Variants in PARVG observed in about 807,000 individuals in gnomAD.
PARVG encodes gamma-parvin.
Under a neutral mutation model 44.4 loss-of-function variants are expected in PARVG, and 36 were observed. That is an observed-to-expected ratio of 0.81 (90% CI 0.62 to 1.07). The LOEUF (loss-of-function observed/expected upper bound fraction) is 1.07. Among genes scored for constraint, PARVG ranks in the 50% least tolerant of loss-of-function variants. The pLI, the probability that PARVG is intolerant of heterozygous loss-of-function variation, is 0.00. For synonymous variants in PARVG, 170 were observed against 174.1 expected (o/e 0.98, Z 0.19); for missense variants, 407 against 407.4 (o/e 1.00, Z 0.01).
intron 12 of PARVG, among the ~76,000 whole-genome samples, 197 bp downstream of exon 12, chr22:44,198,919 CATCT>C (rs1464923808): frequency 1.5e-4 from 15 of 98,980 alleles, no homozygotes; most frequent in Non-Finnish European, 2.5e-4. Flanking sequence ...CCCATCCATC[CATCT>C]ACCCATCCAT....
chr22:44,199,879 G>T (rs2054682146), intron 12 of PARVG, among the ~76,000 whole-genome samples: 2 of 152,168 alleles, frequency 1.3e-5, no homozygotes, highest in Admixed American at 1.3e-4. Context: ...TGACCTGGGG[G>T]GATCAGCAGT....
rs750200194 is a variant in PARVG, at chr22:44,183,364, TC to T, written c.39del (p.Lys14ArgfsTer37). On this transcript the variant is annotated frameshift_variant, in exon 3 of 14. Coordinates refer to ENST00000444313, the MANE Select transcript of PARVG (RefSeq NM_022141.7). LOFTEE classifies it high-confidence loss of function. ...GAGTTCTTGTACGACCTGCTGCAGC[TC>T]CCCAAGGGGGTGGAGCCCCCAGCGG... Reference protein sequence around the residue: ...EPEFLYDLLQLPKGVEPPAEE... With the variant: ...EPEFLYDLLQXPKGVEPPAEE... The T allele has an allele frequency of 1.1e-4, 183 of 1,609,808 alleles. No individual in the cohort carries two copies. The highest frequency in any genetic ancestry group is 1.5e-4 in the Non-Finnish European group (174 of 1,178,800).
At position 44,181,023 on chromosome 22, in the gene PARVG, T is replaced by C. The variant is rs1601725677; in HGVS notation, c.-351T>C. ...CTATGCCTTTGCATACGCTGTTTTC[T>C]CCACCTGCCACGTTCTCACCCCTTC... On this transcript the variant is annotated 5_prime_UTR_variant, in exon 1 of 14. Coordinates refer to ENST00000444313, the MANE Select transcript of PARVG (RefSeq NM_022141.7). 1.0e-6 allele frequency: 1 copy of C among 973,120 alleles called. No individual in the cohort carries two copies. The highest frequency in any genetic ancestry group is 1.2e-6 in the Non-Finnish European group (1 of 818,754). The allele number at this position is 973,120 out of a possible 1,614,324, so 60.3% of individuals were successfully genotyped here. A position where few individuals can be genotyped will look rare whatever the true frequency, so the allele number is the denominator to read the frequency against.
intron 9 of PARVG, among the ~76,000 whole-genome samples, chr22:44,194,541 A>T (rs1384528896): frequency 6.6e-6 from 1 of 151,312 alleles, no homozygotes; most frequent in Non-Finnish European, 1.5e-5. Flanking sequence ...CCATTCTTCC[A>T]TTCATCTATC....
At position 44,207,546 on chromosome 22, in the gene PARVG, C is replaced by T. The variant is rs2147244929; in HGVS notation, c.*1120C>T. On this transcript the variant is annotated 3_prime_UTR_variant, in exon 14 of 14. Coordinates refer to ENST00000444313, the MANE Select transcript of PARVG (RefSeq NM_022141.7). Reference sequence around the variant, plus strand: ...GGGCAACCACAGCCCCAGGCTGCTGCTCCTCCCTGGACCCTGAAGAGGCCT... The same window carrying T: ...GGGCAACCACAGCCCCAGGCTGCTGTTCCTCCCTGGACCCTGAAGAGGCCT... The T allele has an allele frequency of 6.5e-6, 1 of 152,724 alleles. No homozygotes were observed. Among genetic ancestry groups the T allele is most frequent in the Admixed American group, 6.5e-5 (1 of 15,284 alleles). The allele number at this position is 152,724 out of a possible 1,614,324, so 9.5% of individuals were successfully genotyped here. A position where few individuals can be genotyped will look rare whatever the true frequency, so the allele number is the denominator to read the frequency against.
At chr22:44,188,129 C>A in intron 5 of PARVG, 1 of 559,168 alleles carries the variant, frequency 1.8e-6, no homozygotes, top group Non-Finnish European at 3.2e-6. Context: ...TACCACACCA[C>A]ACTGCCTCTC....
chr22:44,201,861 C>T (rs963523282), intron 12 of PARVG, among the ~76,000 whole-genome samples: 2 of 152,178 alleles, frequency 1.3e-5, no homozygotes, highest in Non-Finnish European at 2.9e-5. Flanking sequence ...GCAGCTGGCC[C>T]GGGCACGCTT....
chr22:44,178,988 T>A (rs1395697377), upstream of PARVG, among the ~76,000 whole-genome samples: 2 of 152,254 alleles, frequency 1.3e-5, no homozygotes, highest in African/African-American at 4.8e-5. Context: ...GCAATTTATT[T>A]ATTTTTTATT....
chr22:44,206,294 C>T (rs759584052), intron 13 of PARVG, 23 bp from the exon 14 acceptor site: 1 of 1,579,554 alleles, frequency 6.3e-7, no homozygotes, highest in South Asian at 1.1e-5. Context: ...TGACTGGCTG[C>T]CCTGCCCTCC....
intron 12 of PARVG, among the ~76,000 whole-genome samples, chr22:44,198,989 T>TCCATC (rs1300207001): frequency 3.0e-5 from 1 of 33,380 alleles, no homozygotes; most frequent in African/African-American, 9.8e-5. Context: ...CATCCATCCA[T>TCCATC]CATCTACCTA....
At chr22:44,194,577 CTCCATCCA>C (rs1049251207) in intron 9 of PARVG, among the ~76,000 whole-genome samples, 2 of 150,686 alleles carry the variant, frequency 1.3e-5, no homozygotes, top group African/African-American at 2.4e-5. Context: ...TTATCCATCC[CTCCATCCA>C]TCCATTCATG....
Position 44,205,743 on chromosome 22 carries a change from C to T in PARVG, c.814-14C>T, listed in dbSNP as rs1388110617. ...CTGCTTGTGCCCACATCTGATAGGG[C>T]CTTGTCATCATAGCTGCACAACGTC... On this transcript the variant is annotated splice_polypyrimidine_tract_variant and intron_variant, in intron 12 of 13. Transcript: ENST00000444313. The T allele has an allele frequency of 1.2e-6, 2 of 1,613,376 alleles. No homozygotes were observed. The highest frequency in any genetic ancestry group is 1.1e-5 in the South Asian group (1 of 91,030).
At chr22:44,192,150 G>A (rs566179710) in intron 8 of PARVG, 46 bp downstream of exon 8, 35 of 1,598,314 alleles carry the variant, frequency 2.2e-5, no homozygotes, top group Admixed American at 1.7e-4. Context: ...GGCTCACAGC[G>A]GTGGATGGGG....
At chr22:44,197,746 G>C (rs1452502661) in intron 11 of PARVG, among the ~76,000 whole-genome samples, 1 of 152,210 alleles carries the variant, frequency 6.6e-6, no homozygotes, top group Non-Finnish European at 1.5e-5. Flanking sequence ...TGGTAGAATT[G>C]TGAGTGATAC....
chr22:44,180,968 T>C lies in PARVG; in HGVS notation c.-406T>C. 1.0e-6 allele frequency: 1 copy of C among 985,434 alleles called. No individual in the cohort carries two copies. The highest frequency in any genetic ancestry group is 1.2e-6 in the Non-Finnish European group (1 of 829,940). 61.0% of individuals were successfully genotyped at this position (985,434 alleles called of 1,614,324 possible). A position where few individuals can be genotyped will look rare whatever the true frequency, so the allele number is the denominator to read the frequency against. ...GGGTCTGAAGTGTTTCTCTATCTAC[T>C]GTGCTGAGATCTCTCCTTCTCGAAC... On this transcript the variant is annotated 5_prime_UTR_variant, in exon 1 of 14. Transcript: ENST00000444313.
Position 44,187,846 on chromosome 22 carries a change from T to A in PARVG, c.215T>A (p.Met72Lys). Residue 72 changes from methionine (M) to lysine (K), a missense_variant, in exon 5 of 14, where the codon ATG becomes AAG. Physicochemically the swap from Met to Lys is moderately conservative, Grantham distance 95. Transcript: ENST00000444313. ...GTGGTCCGCAGCCTGGAGGAGGACA[T>A]GTTCGACGGGCTCATCCTACACCAC... ...HIVVRSLEED[M>K]FDGLILHHLF... The A allele has an allele frequency of 1.2e-6, 2 of 1,614,250 alleles. No individual in the cohort carries two copies. Among genetic ancestry groups the A allele is most frequent in the Non-Finnish European group, 1.7e-6 (2 of 1,180,034 alleles).
intron 4 of PARVG, chr22:44,187,512 C>A: frequency 1.8e-6 from 1 of 542,630 alleles, no homozygotes; most frequent in East Asian, 3.0e-5. Flanking sequence ...TACCCCACTT[C>A]CTGGTACTAA....
At chr22:44,197,529 G>C (rs1019597957) in intron 11 of PARVG, among the ~76,000 whole-genome samples, 1 of 152,192 alleles carries the variant, frequency 6.6e-6, no homozygotes, top group Non-Finnish European at 1.5e-5. Context: ...TGAGAAGTTT[G>C]TGTGTGATAT....
Position 44,206,361 on chromosome 22 carries a change from G to T in PARVG, c.931G>T (p.Gly311Cys). ...DAKSTLRVLYGLFCKHTQKAH... is the reference protein window; with the variant it reads ...DAKSTLRVLYCLFCKHTQKAH... Reference sequence around the variant, plus strand: ...CAAGAGCACACTGAGGGTGCTCTATGGTCTGTTCTGCAAGCACACGCAGAA... The same window carrying T: ...CAAGAGCACACTGAGGGTGCTCTATTGTCTGTTCTGCAAGCACACGCAGAA... The change falls in exon 14 of 14, where the codon GGT becomes TGT. Residue 311 changes from glycine to cysteine, a missense_variant. Physicochemically the swap from Gly to Cys is radical, Grantham distance 159 (BLOSUM62 -3). Coordinates refer to ENST00000444313, the MANE Select transcript of PARVG (RefSeq NM_022141.7). 1.2e-6 allele frequency: 2 copies of T among 1,614,014 alleles called. No individual in the cohort carries two copies. Among genetic ancestry groups the T allele is most frequent in the Non-Finnish European group, 1.7e-6 (2 of 1,179,982 alleles).
Sources: gnomAD v4.1 joint callset for allele counts (sites outside exome capture counted in the v4.1 genomes callset) on GRCh38, gnomAD v4.1.1 for gene constraint, MANE v1.5 for transcripts, NCBI Gene and HGNC (gene_info 2026-07-23, HGNC 2026-07-21) for gene names.